The following ATL2 variants were observed in gnomAD, a reference collection of about 807,000 sequenced individuals.
ATL2 encodes the protein atlastin-2.
In ATL2, 31 loss-of-function variants were observed where a neutral mutation model predicts 73.9. That is an observed-to-expected ratio of 0.42 (90% CI 0.32 to 0.57). The LOEUF (loss-of-function observed/expected upper bound fraction) is 0.57, where lower values mean the gene tolerates loss of function less well. Ranked by LOEUF, ATL2 falls within the 20% of genes least tolerant of loss-of-function variation. The pLI, the probability that ATL2 is intolerant of heterozygous loss-of-function variation, is 0.14. For missense variants in ATL2, 738 were observed against 702.6 expected, an observed-to-expected ratio of 1.05 and a Z score of -0.57; for synonymous variants, 291 against 237.5, an observed-to-expected ratio of 1.23 and a Z score of -2.07.
chr2:38,319,627 G>C (rs1188844548), intron 2 of ATL2, among the ~76,000 whole-genome samples: 1 of 151,186 alleles, frequency 6.6e-6, no homozygotes, highest in Non-Finnish European at 1.5e-5. Context: ...GAGAGAGAGA[G>C]AGAGAGACAG....
chr2:38,336,945 T>G (rs1246178298), intron 2 of ATL2, among the ~76,000 whole-genome samples: 1 of 152,166 alleles, frequency 6.6e-6, no homozygotes, highest in African/African-American at 2.4e-5. Flanking sequence ...TTGAGTCTGA[T>G]GAAGTCTCTA....
intron 1 of ATL2, among the ~76,000 whole-genome samples, chr2:38,355,083 C>T (rs886274955): frequency 1.3e-5 from 2 of 151,910 alleles, no homozygotes; most frequent in Non-Finnish European, 2.9e-5. Flanking sequence ...AATAAAAACG[C>T]AGAGACTGCC....
intron 1 of ATL2, among the ~76,000 whole-genome samples, chr2:38,364,050 T>C (rs544249179): frequency 2.6e-5 from 4 of 152,060 alleles, no homozygotes; most frequent in South Asian, 2.1e-4. Flanking sequence ...GATCATGAGG[T>C]CAGGAGTTGG....
chr2:38,308,370 T>C (rs568144990), intron 9 of ATL2, among the ~76,000 whole-genome samples: 1 of 152,298 alleles, frequency 6.6e-6, no homozygotes, highest in South Asian at 2.1e-4. Context: ...AAACTTCACA[T>C]GTTCTCACTT....
At chr2:38,325,619 C>G (rs1668554346) in intron 2 of ATL2, among the ~76,000 whole-genome samples, 2 of 128,236 alleles carry the variant, frequency 1.6e-5, no homozygotes, top group African/African-American at 6.7e-5. Context: ...TACACACACA[C>G]CAGTACATAC....
rs762887411 is a variant in ATL2 at position 38,310,452 on chromosome 2, G to A, written c.805-5C>T. The A allele has an allele frequency of 5.1e-6, 8 of 1,579,696 alleles. No individual in the cohort carries two copies. In the East Asian group the frequency reaches 1.6e-4, roughly 31 times the overall value. The stretch of plus-strand genomic sequence containing the variant: ...TTCATGTTGATTTTGTTTTACCTGA[G>A]GGCGGAGAGAGACAGGTGAAATTGT... On this transcript the variant is annotated splice_polypyrimidine_tract_variant and splice_region_variant and intron_variant, in intron 7 of 12. Transcript: ENST00000378954.
chr2:38,361,268 G>A (rs1221151276), intron 1 of ATL2, among the ~76,000 whole-genome samples: 3 of 151,082 alleles, frequency 2.0e-5, no homozygotes, highest in African/African-American at 7.3e-5. Context: ...GCAGAAGAAT[G>A]GCATGAACCC....
chr2:38,341,658 CAAT>C (rs1190654921), intron 2 of ATL2, among the ~76,000 whole-genome samples: 1 of 152,086 alleles, frequency 6.6e-6, no homozygotes. Context: ...ACGTCTCAAT[CAAT>C]GAGACAAACT....
intron 1 of ATL2, among the ~76,000 whole-genome samples, chr2:38,361,353 CA>C (rs921670483): frequency 0.13 from 7,738 of 59,782 alleles, 515 homozygotes; most frequent in African/African-American, 0.33. Context: ...GACTCCGTCT[CA>C]AAAAAAAAAA....
At chr2:38,326,535 A>G (rs1261086093) in intron 2 of ATL2, among the ~76,000 whole-genome samples, 1 of 152,244 alleles carries the variant, frequency 6.6e-6, no homozygotes, top group African/African-American at 2.4e-5. Context: ...AAGAGGACAG[A>G]ACACCAAGCA....
chr2:38,336,003 G>A (rs1009710058), intron 2 of ATL2, among the ~76,000 whole-genome samples: 3 of 152,190 alleles, frequency 2.0e-5, no homozygotes, highest in Non-Finnish European at 2.9e-5. Context: ...GCGCCACAGC[G>A]AGACTCTGTC....
At chr2:38,367,194 T>C (rs1038330105) in intron 1 of ATL2, among the ~76,000 whole-genome samples, 43 of 152,024 alleles carry the variant, frequency 2.8e-4, no homozygotes, top group African/African-American at 9.9e-4. Flanking sequence ...AACTTATTTG[T>C]AGAGATCTGA....
chr2:38,343,175 AAAAGATATAGTTCTGGTTTTTGTCT>A, intron 2 of ATL2, 68 bp downstream of exon 2: 3 of 740,088 alleles, frequency 4.1e-6, no homozygotes, highest in Non-Finnish European at 5.7e-6. Flanking sequence ...AAAAAAAAAA[AAAAGATATAGTTCTGGTTTTTGTCT>A]ATTTTTTTAA....
chr2:38,361,764 C>G (rs1284771309), intron 1 of ATL2, among the ~76,000 whole-genome samples: 1 of 152,136 alleles, frequency 6.6e-6, no homozygotes, highest in Non-Finnish European at 1.5e-5. Flanking sequence ...CACAGACAGG[C>G]AAGAAAACTT....
At chr2:38,345,442 A>T (rs1218328315) in intron 1 of ATL2, among the ~76,000 whole-genome samples, 1 of 152,248 alleles carries the variant, frequency 6.6e-6, no homozygotes, top group Non-Finnish European at 1.5e-5. Context: ...CTCTACCTCC[A>T]CATCACGAGG....
intron 2 of ATL2, among the ~76,000 whole-genome samples, chr2:38,339,076 T>C (rs1573522642): frequency 6.6e-6 from 1 of 151,962 alleles, no homozygotes; most frequent in African/African-American, 2.4e-5. Flanking sequence ...ATTAGCTGTG[T>C]GTGGTGGCAG....
intron 1 of ATL2, among the ~76,000 whole-genome samples, chr2:38,361,999 A>C (rs1671043276): frequency 6.6e-6 from 1 of 152,214 alleles, no homozygotes; most frequent in African/African-American, 2.4e-5. Flanking sequence ...GATAATTCTT[A>C]AACAGATCAA....
At chr2:38,309,990 T>A (rs1667659713) in intron 8 of ATL2, among the ~76,000 whole-genome samples, 2 of 152,212 alleles carry the variant, frequency 1.3e-5, no homozygotes, top group African/African-American at 2.4e-5. Context: ...ATATCTGATT[T>A]CATCAATATA....
In ATL2 at chr2:38,300,292, G is replaced by A; in HGVS notation, c.1108C>T (p.His370Tyr). 6.2e-7 allele frequency: 1 copy of A among 1,606,996 alleles called. No homozygotes were observed. The highest frequency in any genetic ancestry group is 1.1e-5 in the South Asian group (1 of 90,850). Residue 370 changes from histidine (H) to tyrosine (Y), a missense_variant, in exon 10 of 13, where the codon CAT becomes TAT. By Grantham distance (83) the His-to-Tyr change is moderately conservative (BLOSUM62 2). Coordinates refer to ENST00000378954, the MANE Select transcript of ATL2 (RefSeq NM_001135673.4). ...TCTACCTGAAGCATGGACTTTGGAT[G>A]TGGAAGTTCTTCTCCTTGATAGATT... is the stretch of plus-strand genomic sequence containing the variant. ...IKIYQGEELP[H>Y]PKSMLQATAE...
Sources: allele counts gnomAD v4.1 joint callset (sites outside exome capture counted in the v4.1 genomes callset), GRCh38; gene constraint gnomAD v4.1.1; transcripts MANE v1.5; gene names NCBI Gene and HGNC (gene_info 2026-07-23, HGNC 2026-07-21).